NMT1: variants seen among roughly 807,000 people sequenced by gnomAD.
NMT1 encodes the protein glycylpeptide N-tetradecanoyltransferase 1.
Under a neutral mutation model 63.4 loss-of-function variants are expected in NMT1, and 12 were observed. The observed-to-expected ratio is 0.19, with a 90% CI of 0.12 to 0.31. The LOEUF is 0.31. Among genes scored for constraint, NMT1 ranks in the 10% least tolerant of loss-of-function variants. The pLI, the probability that NMT1 is intolerant of heterozygous loss-of-function variation, is 1.00. For synonymous variants in NMT1, 228 were observed against 234.3 expected (o/e 0.97, Z 0.25); for missense variants, 432 against 634.6 (o/e 0.68, Z 3.43).
chr17:45,089,333 AG>A (rs1476854535), intron 3 of NMT1, among the ~76,000 whole-genome samples: 1 of 152,104 alleles, frequency 6.6e-6, no homozygotes, highest in Non-Finnish European at 1.5e-5. Context: ...GAAACCTACA[AG>A]TCTCTCTGAT....
Position 45,097,179 on chromosome 17 carries a change from G to T in NMT1, c.648G>T (p.Val216=). The change falls in exon 6 of 12, where the codon GTG becomes GTT. Residue 216 remains valine, a synonymous_variant. Transcript: ENST00000258960. The part of the protein sequence containing the change: ...WLPQWHCGVR[V]VSSRKLVGFI... ...CCCAGTGGCACTGTGGGGTTCGAGT[G>T]GTCTCAAGTCGGAAATTGGTTGGGT... The T allele has an allele frequency of 2.5e-6, 4 of 1,614,196 alleles. No individual in the cohort carries two copies. Among genetic ancestry groups the T allele is most frequent in the Non-Finnish European group, 3.4e-6 (4 of 1,180,044 alleles).
intron 4 of NMT1, among the ~76,000 whole-genome samples, 191 bp downstream of exon 4, chr17:45,093,994 G>A (rs1021998500): frequency 6.6e-6 from 1 of 152,228 alleles, no homozygotes; most frequent in East Asian, 1.9e-4. Flanking sequence ...TTTCTGGCAG[G>A]TTGGAAGTTA....
At chr17:45,099,755 G>C in intron 8 of NMT1, 1 of 523,516 alleles carries the variant, frequency 1.9e-6, no homozygotes, top group Non-Finnish European at 3.5e-6. Context: ...GCCATCTGTT[G>C]AAAGGCTCAG....
intron 1 of NMT1, among the ~76,000 whole-genome samples, chr17:45,076,608 G>A (rs1014251787): frequency 4.6e-5 from 7 of 151,848 alleles, no homozygotes; most frequent in African/African-American, 1.5e-4. Flanking sequence ...AAATTAGCTG[G>A]GTGTGATGGC....
intron 6 of NMT1, 138 bp from the exon 7 acceptor site, chr17:45,098,244 G>A (rs2054138892): frequency 2.7e-6 from 2 of 731,680 alleles, no homozygotes; most frequent in South Asian, 3.2e-5. Flanking sequence ...GGGAGTCCCA[G>A]TACTGAGTGC....
At chr17:45,064,747 C>G (rs2053890635) in intron 1 of NMT1, among the ~76,000 whole-genome samples, 1 of 152,134 alleles carries the variant, frequency 6.6e-6, no homozygotes, top group South Asian at 2.1e-4. Flanking sequence ...CACTTGAAAA[C>G]AGGAGGCAGA....
Position 45,091,157 on chromosome 17 carries a change from G to A in NMT1, c.386-2528G>A, listed in dbSNP as rs148290969. Reference sequence around the variant, plus strand: ...TCCTAATTATCCTTGAGGTCTTGTCGTTAGATATTTCCTCTGAGAGGTCTT... The same window carrying A: ...TCCTAATTATCCTTGAGGTCTTGTCATTAGATATTTCCTCTGAGAGGTCTT... On this transcript the variant is annotated intron_variant, in intron 3 of 11. Transcript: ENST00000258960. 5.2e-3 allele frequency among the ~76,000 whole-genome samples: 765 copies of A among 146,642 alleles called. 3 individuals carry two copies. The highest frequency in any genetic ancestry group is 5.4e-3 in the Admixed American group (78 of 14,462).
At chr17:45,079,209 G>A (rs1363356604) in intron 1 of NMT1, among the ~76,000 whole-genome samples, 2 of 151,064 alleles carry the variant, frequency 1.3e-5, no homozygotes, top group East Asian at 3.9e-4. Context: ...GGTTCAAGCA[G>A]TTCTCCTGCC....
At position 45,081,482 on chromosome 17, in the gene NMT1, G is replaced by C. The variant is rs1489208039; in HGVS notation, c.132-162G>C. On this transcript the variant is annotated intron_variant, in intron 1 of 11. Coordinates refer to ENST00000258960, the MANE Select transcript of NMT1 (RefSeq NM_021079.5). Reference sequence around the variant, plus strand: ...GGGGGCGCGAGTCAGGAGGAGTGCTGGTGTCCTCCAAATGCCCTTTCTGGA... The same window carrying C: ...GGGGGCGCGAGTCAGGAGGAGTGCTCGTGTCCTCCAAATGCCCTTTCTGGA... 2.0e-5 allele frequency among the ~76,000 whole-genome samples: 3 copies of C among 152,174 alleles called. No homozygotes were observed. The South Asian group carries it at 6.2e-4, about 31-fold the overall frequency.
intron 1 of NMT1, among the ~76,000 whole-genome samples, chr17:45,075,638 AG>A (rs2053972770): frequency 6.6e-6 from 1 of 151,754 alleles, no homozygotes; most frequent in African/African-American, 2.4e-5. Context: ...AAAATTAGCC[AG>A]GCATGGTGGT....
At chr17:45,088,252 G>A (rs562602671) in intron 3 of NMT1, among the ~76,000 whole-genome samples, 16 of 152,372 alleles carry the variant, frequency 1.1e-4, no homozygotes, top group Non-Finnish European at 2.2e-4. Flanking sequence ...CCAGTGACCA[G>A]TTTCTCGCTG....
chr17:45,073,343 A>G (rs1426439675), intron 1 of NMT1, among the ~76,000 whole-genome samples: 1 of 151,930 alleles, frequency 6.6e-6, no homozygotes, highest in Non-Finnish European at 1.5e-5. Context: ...GCTTGAACCC[A>G]GGAGGCGGAG....
intron 5 of NMT1, 43 bp from the exon 6 acceptor site, chr17:45,097,085 C>T (rs781205957): frequency 1.9e-6 from 3 of 1,558,182 alleles, no homozygotes; most frequent in Non-Finnish European, 2.7e-6. Context: ...GCTTGTCCAG[C>T]CTGCCGGCAA....
chr17:45,064,164 A>T (rs2053886903), intron 1 of NMT1, among the ~76,000 whole-genome samples: 1 of 152,204 alleles, frequency 6.6e-6, no homozygotes, highest in Non-Finnish European at 1.5e-5. Context: ...CAGCTTGGCA[A>T]CGGAGCGAGA....
At chr17:45,096,101 T>C in intron 4 of NMT1, 93 bp from the exon 5 acceptor site, 5 of 957,218 alleles carry the variant, frequency 5.2e-6, no homozygotes, top group South Asian at 1.4e-5. Context: ...GGTAGTTTGC[T>C]TCATCCTTCT....
chr17:45,096,355 A>G, intron 5 of NMT1, 70 bp downstream of exon 5: 2 of 1,269,554 alleles, frequency 1.6e-6, no homozygotes, highest in Non-Finnish European at 2.3e-6. Flanking sequence ...AGGGCACCAG[A>G]GTTTTCATCC....
rs1415773662 is a variant in NMT1 at position 45,104,221 on chromosome 17, C to G, written c.1332+345C>G. 1.6e-6 allele frequency: 2 copies of G among 1,224,398 alleles called. No homozygotes were observed. The highest frequency in any genetic ancestry group is 5.1e-5 in the East Asian group (1 of 19,720). 75.8% of individuals were successfully genotyped at this position (1,224,398 alleles called of 1,614,324 possible). A position where few individuals can be genotyped will look rare whatever the true frequency, so the allele number is the denominator to read the frequency against. ...TGGGAAAGGGGTGATTGCTGTCTGTCGTGGTGAGTCATTGGAGCATCCAAC... is the reference window on the plus strand; with the variant it reads ...TGGGAAAGGGGTGATTGCTGTCTGTGGTGGTGAGTCATTGGAGCATCCAAC... On this transcript the variant is annotated intron_variant, in intron 10 of 11. Coordinates refer to ENST00000258960, the MANE Select transcript of NMT1 (RefSeq NM_021079.5). The surrounding 1 kb of genome is among the most constrained non-coding windows in gnomAD (Gnocchi z 4.2).
intron 2 of NMT1, among the ~76,000 whole-genome samples, chr17:45,085,574 T>C (rs189821287): frequency 4.7e-5 from 2 of 42,320 alleles, no homozygotes; most frequent in East Asian, 1.3e-3. Context: ...AAGATTATAT[T>C]TGGGGGATGG....
Position 45,061,449 on chromosome 17 carries a change from C to T in NMT1, c.120C>T (p.Ser40=), listed in dbSNP as rs750844557. 1 of 1,613,142 alleles carries T rather than the reference C, an allele frequency of 6.2e-7. No homozygotes were observed. ...ATTGCGAGAATGAGGAGGACAACAG[C>T]TACAACCGGGGGTAACGAAATCCTC... ...CSDCENEEDN[S]YNRGGLSPAN... The change falls in exon 1 of 12, where the codon AGC becomes AGT. Residue 40 remains serine, a synonymous_variant. Coordinates refer to ENST00000258960, the MANE Select transcript of NMT1 (RefSeq NM_021079.5).
Sources: gnomAD v4.1 joint callset for allele counts (sites outside exome capture counted in the v4.1 genomes callset) on GRCh38, gnomAD v4.1.1 for gene constraint, Gnocchi (gnomAD v3.1) non-coding constraint, MANE v1.5 for transcripts, NCBI Gene and HGNC (gene_info 2026-07-23, HGNC 2026-07-21) for gene names.